The following FOCAD variants were observed in gnomAD, a reference collection of about 807,000 sequenced individuals.
The protein encoded by FOCAD is KIAA1797.
Under a neutral mutation model 225.6 loss-of-function variants are expected in FOCAD, and 198 were observed. That is an observed-to-expected ratio of 0.88 (90% CI 0.78 to 0.99). The LOEUF (loss-of-function observed/expected upper bound fraction) is 0.99. FOCAD is among the 50% of genes least tolerant of loss of function. The pLI is 0.00. For synonymous variants in FOCAD, 897 were observed against 755.0 expected, an observed-to-expected ratio of 1.19 and a Z score of -3.08; for missense variants, 2,713 against 2,123.6, an observed-to-expected ratio of 1.28 and a Z score of -5.46.
At chr9:20,950,839 G>A (rs1837617314) in intron 33 of FOCAD, among the ~76,000 whole-genome samples, 157 bp from the exon 34 acceptor site, 1 of 152,154 alleles carries the variant, frequency 6.6e-6, no homozygotes, top group African/African-American at 2.4e-5. Flanking sequence ...CACAGGTATA[G>A]CGTACTAGAC....
chr9:20,826,763 A>T (rs1405374124), intron 15 of FOCAD, among the ~76,000 whole-genome samples: 2 of 152,078 alleles, frequency 1.3e-5, no homozygotes, highest in Non-Finnish European at 2.9e-5. Flanking sequence ...GACTCTTCCC[A>T]AGTCTCATGC....
At chr9:20,945,570 G>C (rs1327880842) in intron 29 of FOCAD, among the ~76,000 whole-genome samples, 1 of 152,206 alleles carries the variant, frequency 6.6e-6, no homozygotes, top group African/African-American at 2.4e-5. Context: ...GGGCACAGAG[G>C]AATGAAGTTT....
At chr9:20,793,179 A>C (rs2131209902) in intron 11 of FOCAD, among the ~76,000 whole-genome samples, 1 of 152,310 alleles carries the variant, frequency 6.6e-6, no homozygotes, top group East Asian at 1.9e-4. Flanking sequence ...ATTCCCTGGT[A>C]ACCATAGCAT....
intron 7 of FOCAD, among the ~76,000 whole-genome samples, chr9:20,767,911 C>T (rs1830197311): frequency 6.6e-6 from 1 of 152,148 alleles, no homozygotes; most frequent in African/African-American, 2.4e-5. Flanking sequence ...ATGCCTATGT[C>T]CTGAATGGTG....
chr9:20,948,669 C>T (rs978715684), intron 31 of FOCAD, among the ~76,000 whole-genome samples, 182 bp from the exon 32 acceptor site: 4 of 152,160 alleles, frequency 2.6e-5, no homozygotes, highest in African/African-American at 9.7e-5. Context: ...CATGATCTAA[C>T]AACCTTAATC....
Position 20,982,351 on chromosome 9 carries a change from T to C in FOCAD, c.4639-6T>C. 6.2e-7 allele frequency: 1 copy of C among 1,602,018 alleles called. No individual in the cohort carries two copies. Among genetic ancestry groups the C allele is most frequent in the South Asian group, 1.1e-5 (1 of 89,342 alleles). The stretch of plus-strand genomic sequence containing the variant: ...TGTTGACATGTTTGGGATTTTTCTT[T>C]ATCAGAGAAAGGATCTAGAGCTGTA... On this transcript the variant is annotated splice_polypyrimidine_tract_variant and splice_region_variant and intron_variant, in intron 38 of 43. Coordinates refer to ENST00000338382, the MANE Select transcript of FOCAD (RefSeq NM_001375567.1).
intron 1 of FOCAD, among the ~76,000 whole-genome samples, chr9:20,693,955 C>G (rs955447040): frequency 2.6e-5 from 4 of 152,230 alleles, no homozygotes; most frequent in African/African-American, 9.6e-5. Flanking sequence ...AAGTGATCTT[C>G]CTGCCTTGGC....
chr9:20,754,296 A>G (rs1275146695), intron 5 of FOCAD, among the ~76,000 whole-genome samples: 1 of 152,210 alleles, frequency 6.6e-6, no homozygotes, highest in East Asian at 1.9e-4. Flanking sequence ...TAATTTTTTA[A>G]GTAGGAAAAT....
At chr9:20,860,645 G>C (rs1017198124) in intron 15 of FOCAD, among the ~76,000 whole-genome samples, 1 of 151,992 alleles carries the variant, frequency 6.6e-6, no homozygotes, top group Non-Finnish European at 1.5e-5. Context: ...ATTTTTGTGC[G>C]TGGCTGGGGC....
At chr9:20,901,400 A>T (rs1231784896) in intron 21 of FOCAD, among the ~76,000 whole-genome samples, 3 of 151,838 alleles carry the variant, frequency 2.0e-5, no homozygotes, top group Non-Finnish European at 4.4e-5. Flanking sequence ...TTACTTGTCA[A>T]TTTTTACATG....
intron 11 of FOCAD, among the ~76,000 whole-genome samples, chr9:20,793,948 G>A (rs745643966): frequency 1.3e-4 from 20 of 152,138 alleles, no homozygotes; most frequent in Non-Finnish European, 2.4e-4. Context: ...TACTTGTACC[G>A]TGGCCAGACA....
chr9:20,705,018 A>C (rs1439325181), intron 1 of FOCAD, among the ~76,000 whole-genome samples: 1 of 152,188 alleles, frequency 6.6e-6, no homozygotes, highest in Admixed American at 6.5e-5. Context: ...CAGTTCTGTC[A>C]CTTACTCTGT....
chr9:20,801,676 G>A (rs1224585772), intron 11 of FOCAD, among the ~76,000 whole-genome samples: 1 of 152,124 alleles, frequency 6.6e-6, no homozygotes, highest in African/African-American at 2.4e-5. Flanking sequence ...ATCTGGATGT[G>A]CTGTATTAGT....
At position 20,978,423 on chromosome 9, in the gene FOCAD, G is replaced by T. The variant is rs752759617; in HGVS notation, c.4346G>T (p.Trp1449Leu). ...SQNAAALLGL[W>L]VTPPLIHSLS... is the part of the protein sequence containing the mutation. Reference sequence around the variant, plus strand: ...AATGCAGCTGCACTATTGGGCTTGTGGGTGACACCACCACTGATCCACAGT... The same window carrying T: ...AATGCAGCTGCACTATTGGGCTTGTTGGTGACACCACCACTGATCCACAGT... Residue 1449 changes from tryptophan (W) to leucine (L), a missense_variant, in exon 37 of 44, where the codon TGG becomes TTG. By Grantham distance (61) the Trp-to-Leu change is moderately conservative. Transcript: ENST00000338382. 2.5e-6 allele frequency: 4 copies of T among 1,611,532 alleles called. No individual in the cohort carries two copies. Among genetic ancestry groups the T allele is most frequent in the Non-Finnish European group, 3.4e-6 (4 of 1,178,756 alleles).
At chr9:20,672,710 C>A (rs1055664468) in intron 2 of FOCAD, among the ~76,000 whole-genome samples, 15 of 152,174 alleles carry the variant, frequency 9.9e-5, no homozygotes, top group Non-Finnish European at 1.8e-4. Flanking sequence ...CTTGGCCTCT[C>A]AAAGTGTTAG....
At chr9:20,716,972 G>T (rs1825391338) in intron 2 of FOCAD, among the ~76,000 whole-genome samples, 1 of 152,110 alleles carries the variant, frequency 6.6e-6, no homozygotes, top group African/African-American at 2.4e-5. Context: ...GCAATTCCTG[G>T]TCAGTTCCAT....
intron 11 of FOCAD, among the ~76,000 whole-genome samples, chr9:20,815,221 G>C (rs1220687934): frequency 7.2e-6 from 1 of 138,562 alleles, no homozygotes; most frequent in Non-Finnish European, 1.5e-5. Flanking sequence ...TGCACCCTCT[G>C]CCTCCTGGTT....
At chr9:20,768,312 C>G (rs1366809269) in intron 7 of FOCAD, among the ~76,000 whole-genome samples, 2 of 151,618 alleles carry the variant, frequency 1.3e-5, no homozygotes, top group Admixed American at 1.3e-4. Context: ...GATGCGGGCT[C>G]TTTTTTGGTT....
chr9:20,758,840 G>C (rs1322338468), intron 6 of FOCAD, among the ~76,000 whole-genome samples: 3 of 152,156 alleles, frequency 2.0e-5, no homozygotes, highest in African/African-American at 7.2e-5. Context: ...CCTGTTTGCA[G>C]ATGACATGAT....
Sources: allele counts gnomAD v4.1 joint callset (sites outside exome capture counted in the v4.1 genomes callset), GRCh38; gene constraint gnomAD v4.1.1; transcripts MANE v1.5; gene names NCBI Gene and HGNC (gene_info 2026-07-23, HGNC 2026-07-21).